PALD1: variants seen among roughly 807,000 people sequenced by gnomAD.
PALD1 encodes the protein phosphatase domain containing paladin 1.
In PALD1, 57 loss-of-function variants were observed where a neutral mutation model predicts 96.0. That is an observed-to-expected ratio of 0.59 (90% CI 0.48 to 0.74). The LOEUF (loss-of-function observed/expected upper bound fraction) is 0.74, where lower values mean the gene tolerates loss of function less well. Among genes scored for constraint, PALD1 ranks in the 30% least tolerant of loss-of-function variants. The probability of loss-of-function intolerance (pLI) is 0.00; values close to 1 mark genes in which losing one functional copy is unlikely to be tolerated. For missense variants in PALD1, 1,063 were observed against 1,143.7 expected (o/e 0.93, Z 1.02); for synonymous variants, 464 against 473.6 (o/e 0.98, Z 0.26).
At chr10:70,529,411 C>G (rs1846947572) in intron 3 of PALD1, 80 bp downstream of exon 3, 2 of 708,148 alleles carry the variant, frequency 2.8e-6, no homozygotes, top group Non-Finnish European at 5.1e-6. Flanking sequence ...TCACCTCCCT[C>G]TGGCCCTCCC....
intron 18 of PALD1, among the ~76,000 whole-genome samples, chr10:70,562,660 A>G (rs1847764765): frequency 6.6e-6 from 1 of 152,104 alleles, no homozygotes; most frequent in African/African-American, 2.4e-5. Flanking sequence ...TTCCTGGAGC[A>G]GGGAGAGCTG....
chr10:70,543,084 A>G (rs1001344730), intron 17 of PALD1, among the ~76,000 whole-genome samples: 1 of 135,884 alleles, frequency 7.4e-6, no homozygotes, highest in African/African-American at 2.8e-5. Flanking sequence ...TTTTTTGGAT[A>G]ATAGCCATCC....
chr10:70,477,847 G>A, upstream of PALD1, among the ~76,000 whole-genome samples: 1 of 152,206 alleles, frequency 6.6e-6, no homozygotes, highest in East Asian at 1.9e-4. Flanking sequence ...AGGATTTCCC[G>A]AGTGTGGAGC....
intron 1 of PALD1, among the ~76,000 whole-genome samples, chr10:70,506,345 A>T (rs55835146): frequency 0.013 from 2,043 of 152,242 alleles, 47 homozygotes; most frequent in African/African-American, 0.046. Context: ...ACCAAATGTC[A>T]TTCCAGTGAA....
chr10:70,487,927 A>G (rs7911461), intron 1 of PALD1, among the ~76,000 whole-genome samples: 3,918 of 152,136 alleles, frequency 0.026, 182 homozygotes, highest in African/African-American at 0.09. Context: ...TTCTGTCACT[A>G]TGATTTTGTT....
chr10:70,552,984 G>T (rs1847511446), intron 18 of PALD1, among the ~76,000 whole-genome samples: 1 of 152,122 alleles, frequency 6.6e-6, no homozygotes, highest in Non-Finnish European at 1.5e-5. Flanking sequence ...GGTTTAAGTT[G>T]GCCTGTGCTT....
intron 1 of PALD1, among the ~76,000 whole-genome samples, chr10:70,511,020 C>T (rs868071599): frequency 1.3e-5 from 2 of 152,254 alleles, no homozygotes; most frequent in African/African-American, 4.8e-5. Context: ...GGAGTCACTC[C>T]GCCCAAACGT....
Position 70,541,149 on chromosome 10 carries a change from C to T in PALD1, c.1956C>T (p.Asp652=), listed in dbSNP as rs1589210620. The part of the protein sequence containing the change: ...LEALRAALSK[D]PGTGFVFSCL... The stretch of plus-strand genomic sequence containing the variant: ...CCCTGCGGGCCGCCCTCTCCAAGGA[C>T]CCAGGCACTGGCTTCGTGTTCAGCT... The change falls in exon 16 of 20, where the codon GAC becomes GAT. Residue 652 remains aspartate (D), a synonymous_variant. Coordinates refer to ENST00000263563, the MANE Select transcript of PALD1 (RefSeq NM_014431.3). The T allele has an allele frequency of 6.2e-7, 1 of 1,613,466 alleles. No homozygotes were observed. The highest frequency in any genetic ancestry group is 2.2e-5 in the East Asian group (1 of 44,828).
chr10:70,477,616 T>C (rs1403962450), upstream of PALD1, among the ~76,000 whole-genome samples: 1 of 152,188 alleles, frequency 6.6e-6, no homozygotes, highest in Non-Finnish European at 1.5e-5. Flanking sequence ...ACTTAAGAGC[T>C]AGGTGCTAGG....
intron 1 of PALD1, among the ~76,000 whole-genome samples, chr10:70,518,053 G>T (rs192578253): frequency 2.4e-4 from 36 of 152,050 alleles, no homozygotes; most frequent in African/African-American, 8.4e-4. Context: ...ACAGGCATGC[G>T]CCATCACGCC....
In PALD1 at chr10:70,541,210, G is replaced by A. The variant is rs375452976; in HGVS notation, c.2017G>A (p.Val673Met). ...SGQGRTTTAM[V>M]VAVLAFWHIQ... ...CCAGGGCCGTACCACAACTGCGATG[G>A]TGGTGGCTGTCCTGGCCTTCTGGCA... The change falls in exon 16 of 20, where the codon GTG becomes ATG. Residue 673 changes from valine to methionine, a missense_variant. Transcript: ENST00000263563. The A allele has an allele frequency of 5.0e-6, 8 of 1,612,854 alleles. No individual in the cohort carries two copies. The highest frequency in any genetic ancestry group is 5.9e-6 in the Non-Finnish European group (7 of 1,179,518).
rs35277718 is a variant in PALD1 at position 70,529,210 on chromosome 10, C to T, written c.186-19C>T. On this transcript the variant is annotated intron_variant, in intron 2 of 19. Transcript: ENST00000263563. Reference sequence around the variant, plus strand: ...TTGCTTGACTCAGTTTCCATTCTGCCCCCCCCCCCCCCCCCCAGGTACAAC... The same window carrying T: ...TTGCTTGACTCAGTTTCCATTCTGCTCCCCCCCCCCCCCCCCAGGTACAAC... 16 of 30,212 alleles carry T rather than the reference C, an allele frequency of 5.3e-4. No individual in the cohort carries two copies. Among genetic ancestry groups the T allele is most frequent in the East Asian group, 4.6e-4 (1 of 2,182 alleles). The allele number at this position is 30,212 out of a possible 1,614,324, so 1.9% of individuals were successfully genotyped here. A position where few individuals can be genotyped will look rare whatever the true frequency, so the allele number is the denominator to read the frequency against.
intron 1 of PALD1, among the ~76,000 whole-genome samples, chr10:70,518,999 C>G (rs1193325443): frequency 1.3e-5 from 2 of 152,234 alleles, no homozygotes; most frequent in African/African-American, 4.8e-5. Context: ...AGAAAGGAGC[C>G]CTGAGTCCCA....
chr10:70,566,505 C>T (rs1847856489), intron 19 of PALD1, 76 bp from the exon 20 acceptor site: 3 of 1,112,534 alleles, frequency 2.7e-6, no homozygotes, highest in African/African-American at 3.1e-5. Flanking sequence ...GCCACAGACT[C>T]ATCTTCAGAA....
intron 18 of PALD1, among the ~76,000 whole-genome samples, chr10:70,551,491 C>A (rs1847477571): frequency 6.6e-6 from 1 of 152,134 alleles, no homozygotes; most frequent in African/African-American, 2.4e-5. Flanking sequence ...GTTCTAGGAC[C>A]AGTCCACATT....
chr10:70,489,311 A>C (rs1419064224), intron 1 of PALD1, among the ~76,000 whole-genome samples: 3 of 152,160 alleles, frequency 2.0e-5, no homozygotes, highest in African/African-American at 7.2e-5. Flanking sequence ...GTCTTATGTC[A>C]TGCTGCTTTC....
intron 1 of PALD1, among the ~76,000 whole-genome samples, chr10:70,490,752 T>C (rs1189655458): frequency 6.6e-6 from 1 of 152,128 alleles, no homozygotes; most frequent in African/African-American, 2.4e-5. Flanking sequence ...GGGCCTGTTG[T>C]ATAGGGAAGT....
chr10:70,520,632 G>T (rs983350615), intron 1 of PALD1, among the ~76,000 whole-genome samples: 1 of 151,462 alleles, frequency 6.6e-6, no homozygotes, highest in African/African-American at 2.4e-5. Context: ...AGGAAATGAG[G>T]TGACCTCTCT....
At chr10:70,537,705 C>T in intron 10 of PALD1, 106 bp from the exon 11 acceptor site, 1 of 711,614 alleles carries the variant, frequency 1.4e-6, no homozygotes, top group Non-Finnish European at 2.5e-6. Flanking sequence ...GAGGGAAAGA[C>T]TGTCTTCTGG....
Sources: allele counts gnomAD v4.1 joint callset (sites outside exome capture counted in the v4.1 genomes callset), GRCh38; gene constraint gnomAD v4.1.1; transcripts MANE v1.5; gene names NCBI Gene and HGNC (gene_info 2026-07-23, HGNC 2026-07-21).